The following TRPC6 variants were observed in gnomAD, a reference collection of about 807,000 sequenced individuals.
The protein encoded by TRPC6 is short transient receptor potential channel 6.
A neutral mutation model predicts 90.7 loss-of-function variants in TRPC6; 55 were observed. The observed-to-expected ratio is 0.61, with a 90% CI of 0.49 to 0.76. The LOEUF (loss-of-function observed/expected upper bound fraction) is 0.76. Among genes scored for constraint, TRPC6 ranks in the 30% least tolerant of loss-of-function variants. The pLI is 0.00. For missense variants in TRPC6, 989 were observed against 1,122.7 expected (o/e 0.88, Z 1.70); for synonymous variants, 393 against 393.0 (o/e 1.00, Z 0.00).
At chr11:101,508,578 C>T (rs1484553468) in intron 1 of TRPC6, among the ~76,000 whole-genome samples, 1 of 152,132 alleles carries the variant, frequency 6.6e-6, no homozygotes, top group Non-Finnish European at 1.5e-5. Context: ...CTTTCACTTC[C>T]TCTCTCTTAT....
At chr11:101,474,374 T>C (rs12786558) in intron 6 of TRPC6, among the ~76,000 whole-genome samples, 12,998 of 152,246 alleles carry the variant, frequency 0.085, 760 homozygotes, top group Middle Eastern at 0.17. Flanking sequence ...TATTCACTTA[T>C]GGATTTTTTT....
chr11:101,548,400 T>C (rs1359135876), intron 1 of TRPC6, among the ~76,000 whole-genome samples: 1 of 117,594 alleles, frequency 8.5e-6, no homozygotes, highest in Non-Finnish European at 1.8e-5. Context: ...ATGTATAATA[T>C]ATAATTATAT....
At chr11:101,492,185 A>G (rs534350132) in intron 2 of TRPC6, among the ~76,000 whole-genome samples, 1 of 152,198 alleles carries the variant, frequency 6.6e-6, no homozygotes, top group Non-Finnish European at 1.5e-5. Context: ...TCATATATCA[A>G]TTGCAGTTTC....
intron 6 of TRPC6, 85 bp from the exon 7 acceptor site, chr11:101,473,858 G>C: frequency 6.3e-7 from 1 of 1,586,634 alleles, no homozygotes; most frequent in Non-Finnish European, 8.6e-7. Context: ...AAGAAATATA[G>C]TTATGTTAGA....
At position 101,505,736 on chromosome 11, in the gene TRPC6, C is replaced by A. The variant is rs192425235; in HGVS notation, c.171-938G>T. ...TCTGTGATAAGAAGGGAAAGTGAGC[C>A]GGGTGCTATGGCTCACGCCTATAAT... is the stretch of plus-strand genomic sequence containing the variant. On this transcript the variant is annotated intron_variant, in intron 1 of 12. Coordinates refer to ENST00000344327, the MANE Select transcript of TRPC6 (RefSeq NM_004621.6). Among the ~76,000 whole-genome samples, 3 of 152,120 alleles carry A rather than the reference C, an allele frequency of 2.0e-5. No individual in the cohort carries two copies. The South Asian group carries it at 6.2e-4, about 32-fold the overall frequency.
intron 8 of TRPC6, 57 bp from the exon 9 acceptor site, chr11:101,471,443 T>C (rs1859290705): frequency 1.9e-6 from 3 of 1,575,072 alleles, no homozygotes; most frequent in Non-Finnish European, 2.6e-6. Context: ...ATTACTGGGA[T>C]GCTTTTAACA....
At chr11:101,538,982 T>A (rs1270385556) in intron 1 of TRPC6, among the ~76,000 whole-genome samples, 1 of 152,192 alleles carries the variant, frequency 6.6e-6, no homozygotes, top group Admixed American at 6.5e-5. Context: ...GGTTTGTGCT[T>A]CGTGAAACTC....
At chr11:101,556,957 C>A (rs1015505124) in intron 1 of TRPC6, among the ~76,000 whole-genome samples, 2 of 152,066 alleles carry the variant, frequency 1.3e-5, no homozygotes, top group African/African-American at 4.8e-5. Flanking sequence ...GGACAAAAAA[C>A]CATATGGTCA....
intron 2 of TRPC6, among the ~76,000 whole-genome samples, chr11:101,494,561 T>C (rs749605650): frequency 6.6e-6 from 1 of 152,162 alleles, no homozygotes; most frequent in African/African-American, 2.4e-5. Context: ...AGAGTTCAAG[T>C]ATAGTGAATT....
chr11:101,497,541 A>C lies in TRPC6; in HGVS notation c.946-5803T>G, dbSNP rs563688323. ...AGTTTCTCTACCCTTCCTCTTTCTC[A>C]GTGTCAGCAGCAGAGGCATCTGGAG... On this transcript the variant is annotated intron_variant, in intron 2 of 12. Transcript: ENST00000344327. Among the ~76,000 whole-genome samples, 571 of 152,296 alleles carry C rather than the reference A, an allele frequency of 3.7e-3. 3 individuals carry two copies. The highest frequency in any genetic ancestry group is 6.7e-3 in the Admixed American group (103 of 15,296).
intron 1 of TRPC6, among the ~76,000 whole-genome samples, chr11:101,534,722 A>G (rs949218321): frequency 3.3e-5 from 5 of 152,348 alleles, no homozygotes; most frequent in African/African-American, 1.2e-4. Flanking sequence ...GATGGTTCAC[A>G]TCTTTTTAAC....
At chr11:101,540,234 G>A (rs1187128871) in intron 1 of TRPC6, among the ~76,000 whole-genome samples, 4 of 152,172 alleles carry the variant, frequency 2.6e-5, no homozygotes, top group Non-Finnish European at 4.4e-5. Context: ...CTGCTCTTCA[G>A]CTATGATAGG....
chr11:101,521,343 CA>C (rs1860655878), intron 1 of TRPC6, among the ~76,000 whole-genome samples: 1 of 152,320 alleles, frequency 6.6e-6, no homozygotes, highest in African/African-American at 2.4e-5. Context: ...GGGTGCAAAC[CA>C]TAAGCCTTGG....
At chr11:101,501,963 T>C (rs1373324375) in intron 2 of TRPC6, among the ~76,000 whole-genome samples, 1 of 152,228 alleles carries the variant, frequency 6.6e-6, no homozygotes, top group East Asian at 1.9e-4. Flanking sequence ...ATTTATCCTT[T>C]CTTTGCCTTG....
intron 1 of TRPC6, among the ~76,000 whole-genome samples, chr11:101,574,495 T>A (rs1862033968): frequency 6.6e-6 from 1 of 151,312 alleles, no homozygotes; most frequent in Admixed American, 6.6e-5. Flanking sequence ...ATTCATTGGT[T>A]ACCCTAAAAT....
At chr11:101,517,192 C>A (rs1160596731) in intron 1 of TRPC6, among the ~76,000 whole-genome samples, 1 of 152,158 alleles carries the variant, frequency 6.6e-6, no homozygotes, top group Admixed American at 6.5e-5. Flanking sequence ...TATATGACTT[C>A]CCTAAAGGAA....
Position 101,508,854 on chromosome 11 carries a change from G to A in TRPC6, c.171-4056C>T, listed in dbSNP as rs112263571. Among the ~76,000 whole-genome samples the A allele has an allele frequency of 9.2e-4, 140 of 151,992 alleles. 2 individuals are homozygous for A. The highest frequency in any genetic ancestry group is 3.2e-3 in the African/African-American group (133 of 41,420). On this transcript the variant is annotated intron_variant, in intron 1 of 12. Coordinates refer to ENST00000344327, the MANE Select transcript of TRPC6 (RefSeq NM_004621.6). ...TAACATATCAAAACATCAAGAACAA[G>A]CTCCATTTTTTTTCATCCATTAAAA...
rs371074397 is a variant in TRPC6, at chr11:101,583,397, G to A, written c.107C>T (p.Ser36Leu). The change falls in exon 1 of 13, where the codon TCG becomes TTG. Residue 36 changes from serine to leucine, a missense_variant. Ser to Leu is a moderately radical substitution (Grantham distance 145). Around this residue, in one of 4 missense-constraint regions of TRPC6, gnomAD observed 194 missense variants for 136.5 expected, o/e 1.42. Coordinates refer to ENST00000344327, the MANE Select transcript of TRPC6 (RefSeq NM_004621.6). ...CGGGCAGCCGTCTTCTCCCAGCTCC[G>A]AGTCCATGAGCAGATAGTCCTGGCT... is the stretch of plus-strand genomic sequence containing the variant. The part of the protein sequence containing the change: ...NESQDYLLMD[S>L]ELGEDGCPQA... 4 of 1,588,602 alleles carry A rather than the reference G, an allele frequency of 2.5e-6. No homozygotes were observed. In the African/African-American group the frequency reaches 4.0e-5, roughly 16 times the overall value.
chr11:101,558,259 A>G (rs1200149189), intron 1 of TRPC6, among the ~76,000 whole-genome samples: 12 of 137,790 alleles, frequency 8.7e-5, no homozygotes, highest in African/African-American at 2.5e-4. Flanking sequence ...ATATGTATAC[A>G]TGTATATGGG....
Sources: gnomAD v4.1 joint callset for allele counts (sites outside exome capture counted in the v4.1 genomes callset) on GRCh38, gnomAD v4.1.1 for gene constraint, gnomAD v4.1.1 regional missense constraint, MANE v1.5 for transcripts, NCBI Gene and HGNC (gene_info 2026-07-23, HGNC 2026-07-21) for gene names.